Variants in PPM1B observed in about 807,000 individuals in gnomAD.
PPM1B encodes the protein protein phosphatase 1B.
PPM1B carries 22 observed loss-of-function variants against 43.0 expected under a neutral mutation model. The ratio of observed to expected loss-of-function variants is 0.51; its 90% CI spans 0.37 to 0.73. The LOEUF (loss-of-function observed/expected upper bound fraction) is 0.73. Among genes scored for constraint, PPM1B ranks in the 30% least tolerant of loss-of-function variants. The probability of loss-of-function intolerance (pLI) is 0.00; values close to 1 mark genes in which losing one functional copy is unlikely to be tolerated. For synonymous variants in PPM1B, 217 were observed against 197.9 expected (o/e 1.10, Z -0.81); for missense variants, 632 against 584.2 (o/e 1.08, Z -0.84).
downstream of PPM1B, among the ~76,000 whole-genome samples, chr2:44,236,939 A>G (rs1450099756): frequency 6.6e-6 from 1 of 152,240 alleles, no homozygotes; most frequent in Non-Finnish European, 1.5e-5. Context: ...ATTTAGTGAA[A>G]AATAGCAAAG....
chr2:44,243,231 C>A (rs1167995646), intron 5 of PPM1B, among the ~76,000 whole-genome samples: 2 of 152,106 alleles, frequency 1.3e-5, no homozygotes, highest in Non-Finnish European at 2.9e-5. Context: ...GAGAGCTCTC[C>A]TTGGTCAAAA....
At chr2:44,204,692 A>G (rs780601949) in intron 2 of PPM1B, among the ~76,000 whole-genome samples, 4 of 152,082 alleles carry the variant, frequency 2.6e-5, no homozygotes, top group South Asian at 2.1e-4. Flanking sequence ...CCCCGTCTCT[A>G]TTAAAAAATA....
chr2:44,194,235 G>A (rs1416978121), intron 1 of PPM1B, among the ~76,000 whole-genome samples: 1 of 151,890 alleles, frequency 6.6e-6, no homozygotes, highest in Admixed American at 6.6e-5. Flanking sequence ...ATATTTAAGT[G>A]TAACCCTGAC....
intron 1 of PPM1B, 46 bp downstream of exon 1, chr2:44,169,320 C>A (rs996317859): frequency 6.6e-6 from 1 of 152,348 alleles, no homozygotes; most frequent in African/African-American, 2.4e-5. Context: ...GCTGACCGGC[C>A]GCGCCGCCGA....
downstream of PPM1B, among the ~76,000 whole-genome samples, chr2:44,237,941 C>T (rs1461372776): frequency 6.6e-6 from 1 of 152,174 alleles, no homozygotes; most frequent in Non-Finnish European, 1.5e-5. Context: ...ATGTTTGTTG[C>T]CCAGGCTGGA....
At position 44,169,007 on chromosome 2, in the gene PPM1B, T is replaced by G. The variant is rs535784049; in HGVS notation, c.-282T>G. On this transcript the variant is annotated 5_prime_UTR_variant, in exon 1 of 6. Coordinates refer to ENST00000282412, the MANE Select transcript of PPM1B (RefSeq NM_002706.6). Reference sequence around the variant, plus strand: ...GTCTCTGATTCTCAGGGTTCGGTGGTTGGAAGATGCTCCAGAGAGACGAGG... The same window carrying G: ...GTCTCTGATTCTCAGGGTTCGGTGGGTGGAAGATGCTCCAGAGAGACGAGG... 1.3e-5 allele frequency: 2 copies of G among 156,742 alleles called. No individual in the cohort carries two copies. Among genetic ancestry groups the G allele is most frequent in the African/African-American group, 4.8e-5 (2 of 41,524 alleles). 9.7% of individuals were successfully genotyped at this position (156,742 alleles called of 1,614,324 possible). A position where few individuals can be genotyped will look rare whatever the true frequency, so the allele number is the denominator to read the frequency against.
At chr2:44,205,354 GGTGTGT>G (rs3074507) in intron 2 of PPM1B, among the ~76,000 whole-genome samples, 44 of 91,822 alleles carry the variant, frequency 4.8e-4, no homozygotes, top group South Asian at 1.2e-3. Context: ...TGTGGGTGTG[GGTGTGT>G]GTGTGTGTGT....
At chr2:44,198,945 C>G (rs1206029733) in intron 1 of PPM1B, among the ~76,000 whole-genome samples, 3 of 152,098 alleles carry the variant, frequency 2.0e-5, no homozygotes, top group Admixed American at 6.6e-5. Flanking sequence ...TCACAAGTAT[C>G]CCATATATGG....
chr2:44,224,954 A>T (rs947352615), intron 5 of PPM1B, among the ~76,000 whole-genome samples: 1 of 152,186 alleles, frequency 6.6e-6, no homozygotes, highest in African/African-American at 2.4e-5. Flanking sequence ...TTCCTATGCA[A>T]AAAAGGTCAC....
Position 44,241,857 on chromosome 2 carries a change from C to CTTTTTTTTTTTTTTT in PPM1B, n.1547-2366_1547-2352dup, listed in dbSNP as rs397984437. The stretch of plus-strand genomic sequence containing the variant: ...GTTATAATAAGTATTAGAAAATAAT[C>CTTTTTTTTTTTTTTT]TTTTTTTTTTTTTTTTTTTGAGACG... On this transcript the variant is annotated intron_variant and non_coding_transcript_variant, in intron 5 of 5. Coordinates refer to the PPM1B transcript ENST00000378540. 8.6e-4 allele frequency among the ~76,000 whole-genome samples: 78 copies of CTTTTTTTTTTTTTTT among 90,950 alleles called. 17 individuals are homozygous for CTTTTTTTTTTTTTTT. The highest frequency in any genetic ancestry group is 2.3e-3 in the African/African-American group (51 of 21,998). The allele number at this position is 90,950 out of a possible 152,430, so 59.7% of individuals were successfully genotyped here.
At chr2:44,192,134 G>A (rs1006638402) in intron 1 of PPM1B, among the ~76,000 whole-genome samples, 3 of 144,892 alleles carry the variant, frequency 2.1e-5, no homozygotes, top group African/African-American at 7.7e-5. Flanking sequence ...AACTTTTATT[G>A]ACAATTTTCT....
chr2:44,222,708 TAC>T (rs1670030192), intron 5 of PPM1B, among the ~76,000 whole-genome samples: 1 of 152,356 alleles, frequency 6.6e-6, no homozygotes, highest in South Asian at 2.1e-4. Context: ...CTATTCTCTT[TAC>T]ATTATTCCAT....
rs1670744590 is a variant in PPM1B, at chr2:44,241,567, A to T, written n.1547-2661A>T. Among the ~76,000 whole-genome samples the T allele has an allele frequency of 2.1e-5, 3 of 142,076 alleles. 1 individual carries two copies. The highest frequency in any genetic ancestry group is 4.7e-5 in the Non-Finnish European group (3 of 63,826). 93.2% of individuals were successfully genotyped at this position (142,076 alleles called of 152,430 possible). On this transcript the variant is annotated intron_variant and non_coding_transcript_variant, in intron 5 of 5. Transcript: ENST00000378540. ...GCCAGCATGGTGAAACCCCATCTCT[A>T]CTAAAAATACAAAAATTAGCCAGGC... is the stretch of plus-strand genomic sequence containing the variant.
chr2:44,232,269 A>G (rs745684948), downstream of PPM1B: 5 of 1,580,772 alleles, frequency 3.2e-6, no homozygotes, highest in Admixed American at 2.0e-5. Context: ...TCCAATCTGG[A>G]AGTGGCATAG....
rs149664244 is a variant in PPM1B at position 44,230,433 on chromosome 2, A to G, written c.1155A>G (p.Glu385=). ...ESDGASDEAE[E]SGSQGKLVEA... is the part of the protein sequence containing the mutation. ...AAAAGGCCTCCGATGAAGCAGAGGA[A>G]AGTGGATCACAGGGAAAATTGGTGG... Residue 385 remains glutamate, a synonymous_variant, in exon 6 of 6, where the codon GAA becomes GAG. Coordinates refer to ENST00000282412, the MANE Select transcript of PPM1B (RefSeq NM_002706.6). 3.5e-5 allele frequency: 57 copies of G among 1,614,052 alleles called. No homozygotes were observed. Among genetic ancestry groups the G allele is most frequent in the Admixed American group, 5.0e-5 (3 of 59,998 alleles).
At chr2:44,194,791 A>T (rs1668579769) in intron 1 of PPM1B, among the ~76,000 whole-genome samples, 2 of 151,768 alleles carry the variant, frequency 1.3e-5, no homozygotes, top group Admixed American at 6.6e-5. Flanking sequence ...AGTTTATATC[A>T]CTGGTTTTCT....
intron 2 of PPM1B, among the ~76,000 whole-genome samples, chr2:44,207,756 T>C (rs1173860913): frequency 6.6e-6 from 1 of 151,950 alleles, no homozygotes; most frequent in African/African-American, 2.4e-5. Context: ...TTAATTTTTG[T>C]GTTTTTTGAA....
intron 5 of PPM1B, among the ~76,000 whole-genome samples, chr2:44,220,570 G>C (rs1669933018): frequency 6.6e-6 from 1 of 152,152 alleles, no homozygotes; most frequent in Non-Finnish European, 1.5e-5. Context: ...ATCAAACACT[G>C]ACAGTGTGTT....
chr2:44,230,434 A>G lies in PPM1B; in HGVS notation c.1156A>G (p.Ser386Gly). The G allele has an allele frequency of 1.2e-6, 2 of 1,614,154 alleles. No homozygotes were observed. The highest frequency in any genetic ancestry group is 2.2e-5 in the South Asian group (2 of 91,088). Reference protein sequence around the residue: ...SDGASDEAEESGSQGKLVEAL... With the variant: ...SDGASDEAEEGGSQGKLVEAL... ...AAAGGCCTCCGATGAAGCAGAGGAA[A>G]GTGGATCACAGGGAAAATTGGTGGA... The change falls in exon 6 of 6, where the codon AGT (serine) becomes GGT (glycine). Residue 386 changes from serine (S) to glycine (G), a missense_variant. Around this residue, in one of 3 missense-constraint regions of PPM1B, gnomAD observed 392 missense variants for 302.7 expected, o/e 1.29. Coordinates refer to ENST00000282412, the MANE Select transcript of PPM1B (RefSeq NM_002706.6).
Sources: gnomAD v4.1 joint callset for allele counts (sites outside exome capture counted in the v4.1 genomes callset) on GRCh38, gnomAD v4.1.1 for gene constraint, gnomAD v4.1.1 regional missense constraint, MANE v1.5 for transcripts, NCBI Gene and HGNC (gene_info 2026-07-23, HGNC 2026-07-21) for gene names.